Variants in HPS1 observed in about 807,000 individuals in gnomAD.
HPS1 encodes HPS1 biogenesis of lysosomal organelles complex 3 subunit 1, also known as BLOC-3 complex member HPS1.
A neutral mutation model predicts 90.6 loss-of-function variants in HPS1; 59 were observed. The observed-to-expected ratio is 0.65, with a 90% CI of 0.53 to 0.81. The LOEUF is 0.81. HPS1 is among the 30% of genes least tolerant of loss of function. HPS1 has a pLI of 0.00. For missense variants in HPS1, 849 were observed against 896.7 expected (o/e 0.95, Z 0.68); for synonymous variants, 388 against 384.4 (o/e 1.01, Z -0.11).
chr10:98,430,138 G>A (rs191497170), intron 8 of HPS1, among the ~76,000 whole-genome samples: 1 of 152,354 alleles, frequency 6.6e-6, no homozygotes, highest in Non-Finnish European at 1.5e-5. Context: ...GAGGTCAACA[G>A]CGATGGTGGT....
chr10:98,423,483 CTGATGGGG>C, intron 16 of HPS1, 112 bp downstream of exon 16: 3 of 916,892 alleles, frequency 3.3e-6, no homozygotes, highest in Non-Finnish European at 5.5e-6. Flanking sequence ...TGGTGAGCAG[CTGATGGGG>C]TGGAACATAT....
At chr10:98,438,033 G>T (rs145273286) in intron 3 of HPS1, among the ~76,000 whole-genome samples, 1 of 152,294 alleles carries the variant, frequency 6.6e-6, no homozygotes, top group African/African-American at 2.4e-5. Flanking sequence ...TTGCGAAGAA[G>T]GTGCCTTGTT....
intron 10 of HPS1, among the ~76,000 whole-genome samples, chr10:98,428,308 G>A (rs550636448): frequency 6.6e-6 from 1 of 152,312 alleles, no homozygotes; most frequent in Admixed American, 6.5e-5. Context: ...AAATCCTGAC[G>A]CCCAGGGCAT....
intron 13 of HPS1, among the ~76,000 whole-genome samples, chr10:98,425,174 G>T (rs1310597647): frequency 6.6e-6 from 1 of 152,246 alleles, no homozygotes; most frequent in Admixed American, 6.5e-5. Flanking sequence ...CCGCTGCAGA[G>T]AGGAAGCCCG....
intron 3 of HPS1, among the ~76,000 whole-genome samples, chr10:98,438,488 G>A (rs959488338): frequency 2.6e-5 from 4 of 152,186 alleles, no homozygotes; most frequent in Non-Finnish European, 5.9e-5. Context: ...GCAGCATTTT[G>A]CCCCTGCCCT....
rs1025739788 is a variant in HPS1 at position 98,422,493 on chromosome 10, C to G, written c.1619G>C (p.Gly540Ala). ...GTCCACATAGATGAAGTGCACCAAG[C>G]CTGGGAAGTCTTCTAGGTAGGTGAA... ...TMVSYLEDFP[G>A]LVHFIYVDRT... Residue 540 changes from glycine to alanine, a missense_variant, in exon 17 of 20, where the codon GGC becomes GCC. Coordinates refer to ENST00000361490, the MANE Select transcript of HPS1 (RefSeq NM_000195.5). 16 of 1,614,036 alleles carry G rather than the reference C, an allele frequency of 9.9e-6. No homozygotes were observed. Among genetic ancestry groups the G allele is most frequent in the African/African-American group, 1.3e-5 (1 of 74,942 alleles).
intron 2 of HPS1, among the ~76,000 whole-genome samples, chr10:98,444,396 G>A (rs755157233): frequency 4.6e-5 from 7 of 152,080 alleles, no homozygotes; most frequent in Non-Finnish European, 1.0e-4. Context: ...GCAAACCCTC[G>A]ATCTTCTAAA....
At chr10:98,440,631 A>G (rs1212845917) in intron 3 of HPS1, among the ~76,000 whole-genome samples, 1 of 152,108 alleles carries the variant, frequency 6.6e-6, no homozygotes, top group Non-Finnish European at 1.5e-5. Flanking sequence ...GGGTCATGGA[A>G]TTATAGGTCA....
At chr10:98,415,308 G>T (rs1010012043), downstream of HPS1, 8 of 826,924 alleles carry the variant, frequency 9.7e-6, no homozygotes, top group Non-Finnish European at 1.4e-5. Context: ...TGCTGCCCTG[G>T]GGCTGTGCTG....
At chr10:98,423,279 A>ACCGCCC (rs1554887467) in intron 16 of HPS1, among the ~76,000 whole-genome samples, 5 of 132,070 alleles carry the variant, frequency 3.8e-5, no homozygotes, top group African/African-American at 1.5e-4. Context: ...GACCACAGGA[A>ACCGCCC]CCCCCCCCCC....
intron 3 of HPS1, among the ~76,000 whole-genome samples, chr10:98,436,525 A>G (rs927142160): frequency 1.3e-5 from 2 of 151,934 alleles, no homozygotes; most frequent in Non-Finnish European, 2.9e-5. Context: ...CCTATTTTCC[A>G]TAACAAGCCT....
At chr10:98,418,589 G>C (rs559922208) in intron 18 of HPS1, among the ~76,000 whole-genome samples, 98 of 152,350 alleles carry the variant, frequency 6.4e-4, no homozygotes, top group South Asian at 1.2e-3. Context: ...AAAGGCCCAA[G>C]CCTCTGCTCT....
At chr10:98,443,843 G>A (rs1390433350) in intron 2 of HPS1, among the ~76,000 whole-genome samples, 5 of 152,164 alleles carry the variant, frequency 3.3e-5, no homozygotes, top group Non-Finnish European at 5.9e-5. Context: ...GACCAGCCTG[G>A]CCAACATGGT....
chr10:98,424,833 C>A (rs1845385852), intron 13 of HPS1, among the ~76,000 whole-genome samples: 1 of 152,050 alleles, frequency 6.6e-6, no homozygotes, highest in Non-Finnish European at 1.5e-5. Flanking sequence ...CTTAGGACAC[C>A]CTGAGGCACT....
At chr10:98,423,705 G>C (rs199627384) in intron 15 of HPS1, 37 bp from the exon 16 acceptor site, 5 of 1,613,912 alleles carry the variant, frequency 3.1e-6, no homozygotes, top group Non-Finnish European at 4.2e-6. Context: ...AAGGAAGTAC[G>C]GGCCCCAGAC....
In HPS1 at chr10:98,431,275, A is replaced by G. The variant is rs1289038305; in HGVS notation, c.524T>C (p.Ile175Thr). ...GCACAGCTCACAGAGCTGGGGGTGAATCAGTCGCTCCAGGGCCTAGCCAGG... is the reference window on the plus strand; with the variant it reads ...GCACAGCTCACAGAGCTGGGGGTGAGTCAGTCGCTCCAGGGCCTAGCCAGG... The part of the protein sequence containing the change: ...CFAVEALERL[I>T]HPQLCELCIE... Residue 175 changes from isoleucine (I) to threonine (T), a missense_variant, in exon 7 of 20, where the codon ATT (isoleucine) becomes ACT (threonine). Ile to Thr is a moderately conservative substitution (Grantham distance 89). Transcript: ENST00000361490. 1 of 1,613,674 alleles carries G rather than the reference A, an allele frequency of 6.2e-7. No individual in the cohort carries two copies. The highest frequency in any genetic ancestry group is 8.5e-7 in the Non-Finnish European group (1 of 1,180,022).
intron 17 of HPS1, among the ~76,000 whole-genome samples, chr10:98,421,561 A>C (rs1176059411): frequency 2.0e-5 from 3 of 152,222 alleles, no homozygotes; most frequent in Admixed American, 6.5e-5. Flanking sequence ...GCACATACAG[A>C]GTGATCTCAA....
intron 3 of HPS1, among the ~76,000 whole-genome samples, chr10:98,441,779 A>C (rs1938465618): frequency 2.0e-5 from 3 of 152,250 alleles, no homozygotes; most frequent in Non-Finnish European, 4.4e-5. Flanking sequence ...TTTAAAACAC[A>C]GTGAGATTCT....
At chr10:98,432,212 T>C (rs908056276) in intron 6 of HPS1, among the ~76,000 whole-genome samples, 1 of 152,228 alleles carries the variant, frequency 6.6e-6, no homozygotes, top group Non-Finnish European at 1.5e-5. Flanking sequence ...TTGGATTTTA[T>C]GCTAATGGCA....
Sources: gnomAD v4.1 joint callset for allele counts (sites outside exome capture counted in the v4.1 genomes callset) on GRCh38, gnomAD v4.1.1 for gene constraint, MANE v1.5 for transcripts, NCBI Gene and HGNC (gene_info 2026-07-23, HGNC 2026-07-21) for gene names.